Variants in GREB1 observed in about 807,000 individuals in gnomAD.
GREB1 encodes the protein growth regulating estrogen receptor binding 1.
GREB1 carries 106 observed loss-of-function variants against 200.7 expected under a neutral mutation model. That is an observed-to-expected ratio of 0.53 (90% CI 0.45 to 0.62). The LOEUF (loss-of-function observed/expected upper bound fraction) is 0.62. Among genes scored for constraint, GREB1 ranks in the 20% least tolerant of loss-of-function variants. The pLI, the probability that GREB1 is intolerant of heterozygous loss-of-function variation, is 0.00. For missense variants in GREB1, 2,243 were observed against 2,556.8 expected (o/e 0.88, Z 2.65); for synonymous variants, 1,132 against 1,092.4 (o/e 1.04, Z -0.72).
intron 1 of GREB1, among the ~76,000 whole-genome samples, chr2:11,546,606 G>A (rs892773564): frequency 1.5e-4 from 23 of 152,184 alleles, no homozygotes; most frequent in African/African-American, 5.6e-4. Context: ...TAACATACAA[G>A]CTCTGTAATA....
In GREB1 at chr2:11,493,711, T is replaced by C. The variant is rs1442972330; in HGVS notation, c.-159+11330T>C. On this transcript the variant is annotated intron_variant, in intron 1 of 2. Transcript: ENST00000628795. The surrounding 1 kb of genome is among the most constrained non-coding windows in gnomAD (Gnocchi z 4.6). ...GGTTGCATTTTTTTCCCCAAAATTT[T>C]AGAGAGCAGATTTAGTCAGTTCTTT... Among the ~76,000 whole-genome samples the C allele has an allele frequency of 6.6e-6, 1 of 152,198 alleles. No homozygotes were observed. Among genetic ancestry groups the C allele is most frequent in the African/African-American group, 2.4e-5 (1 of 41,448 alleles).
Position 11,618,642 on chromosome 2 carries a change from C to T in GREB1, c.3767C>T (p.Pro1256Leu). Residue 1256 changes from proline to leucine, a missense_variant, in exon 22 of 33, where the codon CCA becomes CTA. Pro to Leu is a moderately conservative substitution (Grantham distance 98). Coordinates refer to ENST00000381486, the MANE Select transcript of GREB1 (RefSeq NM_014668.4). ...TCCTTGACCAAGGCCTGCCGCCAGC[C>T]ACCCATTGTCTTCTTGCCCAAGCTC... The part of the protein sequence containing the change: ...QCSLTKACRQ[P>L]PIVFLPKLVY... 1 of 1,613,616 alleles carries T rather than the reference C, an allele frequency of 6.2e-7. No homozygotes were observed. The highest frequency in any genetic ancestry group is 8.5e-7 in the Non-Finnish European group (1 of 1,179,976).
intron 1 of GREB1, among the ~76,000 whole-genome samples, chr2:11,501,496 C>T (rs943227083): frequency 1.7e-4 from 26 of 152,092 alleles, no homozygotes; most frequent in African/African-American, 6.0e-4. Context: ...CAGGTTCAAG[C>T]GATTGTCCTG....
At chr2:11,621,061 C>T (rs1170677890) in intron 23 of GREB1, 54 bp downstream of exon 23, 1 of 982,406 alleles carries the variant, frequency 1.0e-6, no homozygotes, top group African/African-American at 1.6e-5. Context: ...ATCACTTTCT[C>T]AAGTGACTTT....
rs768760687 is a variant in GREB1, at chr2:11,632,956, G to A, written c.4884G>A (p.Glu1628=). 29 of 1,614,192 alleles carry A rather than the reference G, an allele frequency of 1.8e-5. No individual in the cohort carries two copies. Among genetic ancestry groups the A allele is most frequent in the Non-Finnish European group, 2.4e-5 (28 of 1,180,044 alleles). The stretch of plus-strand genomic sequence containing the variant: ...TGGAGCTCGAGCGGAACCGGCAGGA[G>A]GAGCTGGGAATCAAGCCGCAGGACA... ...HNLELERNRQ[E]ELGIKPQDIW... Residue 1628 remains glutamate (E), a synonymous_variant, in exon 28 of 33, where the codon GAG becomes GAA. Transcript: ENST00000381486.
chr2:11,576,954 G>A (rs1558571850), intron 5 of GREB1, among the ~76,000 whole-genome samples: 1 of 152,106 alleles, frequency 6.6e-6, no homozygotes, highest in Non-Finnish European at 1.5e-5. Flanking sequence ...AGAATCACTT[G>A]AACCTGGGAG....
chr2:11,556,748 A>T lies in GREB1; in HGVS notation c.134A>T (p.Glu45Val). 2 of 1,614,044 alleles carry T rather than the reference A, an allele frequency of 1.2e-6. No homozygotes were observed. The highest frequency in any genetic ancestry group is 2.2e-5 in the South Asian group (2 of 91,044). Residue 45 changes from glutamate (E) to valine (V), a missense_variant, in exon 2 of 33, where the codon GAG (glutamate) becomes GTG (valine). By Grantham distance (121) the Glu-to-Val change is moderately radical (BLOSUM62 -2). Around this residue, in one of 3 missense-constraint regions of GREB1, gnomAD observed 1,178 missense variants for 1,387.4 expected, o/e 0.85. Transcript: ENST00000381486. ...TTTTCCCAGCTGTACCTGGAAGCTG[A>T]GCAGCAGCTTGCCGCTCTAGAAGGT... is the stretch of plus-strand genomic sequence containing the variant. The part of the protein sequence containing the change: ...PIFSQLYLEA[E>V]QQLAALEGGS...
At chr2:11,515,128 A>ATCCG (rs1673453827) in intron 1 of GREB1, among the ~76,000 whole-genome samples, 2 of 143,278 alleles carry the variant, frequency 1.4e-5, no homozygotes, top group East Asian at 4.1e-4. Context: ...CCATCCATCC[A>ATCCG]TCCATCCACC....
At chr2:11,612,193 C>CAAAAA (rs59217779) in intron 18 of GREB1, 130 of 239,834 alleles carry the variant, frequency 5.4e-4, no homozygotes, top group South Asian at 3.3e-3. Context: ...GACTCTGTCT[C>CAAAAA]AAAAAAAAAA....
At chr2:11,591,281 C>T in intron 10 of GREB1, 1 of 687,190 alleles carries the variant, frequency 1.5e-6, no homozygotes, top group Admixed American at 2.2e-5. Flanking sequence ...TGTCATGAAC[C>T]CCGTGTTATG....
intron 1 of GREB1, among the ~76,000 whole-genome samples, chr2:11,539,290 A>C (rs1572619471): frequency 6.6e-6 from 1 of 151,384 alleles, no homozygotes; most frequent in African/African-American, 2.4e-5. Flanking sequence ...GGCTCAAGCA[A>C]TCCTCCCATC....
chr2:11,626,860 G>A, intron 24 of GREB1, 102 bp from the exon 25 acceptor site: 2 of 1,199,458 alleles, frequency 1.7e-6, no homozygotes, highest in Non-Finnish European at 2.5e-6. Context: ...ACAGAATCCT[G>A]TTGTCTGGTC....
chr2:11,610,324 T>C lies in GREB1; in HGVS notation c.2667-364T>C, dbSNP rs560119620. The stretch of plus-strand genomic sequence containing the variant: ...CTAGTAGGAACCAGAGGCAACTTAG[T>C]CCCCTCCTCAGAGAGCTGCACATTG... On this transcript the variant is annotated intron_variant, in intron 17 of 32. Transcript: ENST00000381486. 2.6e-5 allele frequency among the ~76,000 whole-genome samples: 4 copies of C among 152,254 alleles called. No homozygotes were observed. The South Asian group carries it at 8.3e-4, about 32-fold the overall frequency.
At chr2:11,630,735 A>T (rs1374524940) in intron 26 of GREB1, among the ~76,000 whole-genome samples, 1 of 152,190 alleles carries the variant, frequency 6.6e-6, no homozygotes. Context: ...TAAAAGACAC[A>T]TTTCCTTTAT....
At chr2:11,508,442 G>T (rs1207863125) in intron 1 of GREB1, among the ~76,000 whole-genome samples, 1 of 152,164 alleles carries the variant, frequency 6.6e-6, no homozygotes, top group Non-Finnish European at 1.5e-5. Context: ...AGCAGAACGG[G>T]CTTTGCACAC....
chr2:11,621,023 G>C lies in GREB1; in HGVS notation c.4147+16G>C, dbSNP rs1016109752. 1.4e-6 allele frequency: 2 copies of C among 1,400,698 alleles called. No individual in the cohort carries two copies. The highest frequency in any genetic ancestry group is 2.0e-6 in the Non-Finnish European group (2 of 985,038). 86.8% of individuals were successfully genotyped at this position (1,400,698 alleles called of 1,614,324 possible). A position where few individuals can be genotyped will look rare whatever the true frequency, so the allele number is the denominator to read the frequency against. On this transcript the variant is annotated intron_variant, in intron 23 of 32. Coordinates refer to ENST00000381486, the MANE Select transcript of GREB1 (RefSeq NM_014668.4). ...ATCAATATCAGTGAGTTATCTGTTTGGGGTTATGTGGGCTTGGAGCCACCT... is the reference window on the plus strand; with the variant it reads ...ATCAATATCAGTGAGTTATCTGTTTCGGGTTATGTGGGCTTGGAGCCACCT...
In GREB1 at chr2:11,588,740, CT is replaced by C. The variant is rs1680429894; in HGVS notation, c.1160-5del. 6.2e-7 allele frequency: 1 copy of C among 1,613,826 alleles called. No homozygotes were observed. The highest frequency in any genetic ancestry group is 1.3e-5 in the African/African-American group (1 of 75,066). ...TGGGTGCCAAGTCGCTGCTGTTCCT[CT>C]GCAGGCCATGGGAACTTCCCTTACC... On this transcript the variant is annotated splice_region_variant and splice_polypyrimidine_tract_variant and intron_variant, in intron 9 of 32. Transcript: ENST00000381486.
chr2:11,588,638 C>T (rs550387596), intron 9 of GREB1, 108 bp from the exon 10 acceptor site: 10 of 1,007,942 alleles, frequency 9.9e-6, no homozygotes, highest in East Asian at 4.8e-5. Context: ...AGGGACCTGG[C>T]GCAGCTCACC....
At chr2:11,596,990 T>C (rs73915441) in intron 13 of GREB1, among the ~76,000 whole-genome samples, 3,086 of 149,970 alleles carry the variant, frequency 0.021, 113 homozygotes, top group African/African-American at 0.071. Context: ...CTCAGTGACA[T>C]GGGGCAGTGG....
Sources: gnomAD v4.1 joint callset for allele counts (sites outside exome capture counted in the v4.1 genomes callset) on GRCh38, gnomAD v4.1.1 for gene constraint, gnomAD v4.1.1 regional missense constraint, Gnocchi (gnomAD v3.1) non-coding constraint, MANE v1.5 for transcripts, NCBI Gene and HGNC (gene_info 2026-07-23, HGNC 2026-07-21) for gene names.